ESR1: variants seen among roughly 807,000 people sequenced by gnomAD.
ESR1 encodes the protein estrogen receptor.
In ESR1, 12 loss-of-function variants were observed where a neutral mutation model predicts 52.7. The observed-to-expected ratio is 0.23, with a 90% CI of 0.15 to 0.37. ESR1 has a LOEUF of 0.37. Among genes scored for constraint, ESR1 ranks in the 10% least tolerant of loss-of-function variants. The probability of loss-of-function intolerance (pLI) is 1.00; values close to 1 mark genes in which losing one functional copy is unlikely to be tolerated. For synonymous variants in ESR1, 305 were observed against 316.8 expected, an observed-to-expected ratio of 0.96 and a Z score of 0.39; for missense variants, 584 against 779.7, an observed-to-expected ratio of 0.75 and a Z score of 2.99.
intron 2 of ESR1, among the ~76,000 whole-genome samples, chr6:151,740,444 T>C (rs3020301): frequency 0.57 from 86,198 of 150,884 alleles, 25,438 homozygotes; most frequent in African/African-American, 0.67. Flanking sequence ...CCATTTTCTG[T>C]CTCTTCTGAT....
At chr6:152,001,241 G>A (rs111452652) in intron 4 of ESR1, among the ~76,000 whole-genome samples, 8 of 151,940 alleles carry the variant, frequency 5.3e-5, no homozygotes, top group Admixed American at 1.3e-4. Flanking sequence ...AATCCTAGAG[G>A]CTGGGAGGTT....
intron 2 of ESR1, among the ~76,000 whole-genome samples, chr6:151,792,769 G>A (rs1776299748): frequency 6.6e-6 from 1 of 152,116 alleles, no homozygotes; most frequent in Non-Finnish European, 1.5e-5. Flanking sequence ...CTTCTTGACT[G>A]TTTTATAATA....
In ESR1 at chr6:151,831,547, C is replaced by T. The variant is rs1045366496; in HGVS notation, c.453-11050C>T. 2.6e-5 allele frequency among the ~76,000 whole-genome samples: 4 copies of T among 152,136 alleles called. No homozygotes were observed. The South Asian group carries it at 6.2e-4, about 24-fold the overall frequency. On this transcript the variant is annotated intron_variant, in intron 1 of 7. Transcript: ENST00000206249. ...AAATAATTTGCTCTTGGGTTGTGAG[C>T]CCTTTGGGTGGGCTCCCAAGGATCC...
chr6:151,969,108 G>A (rs375951038), intron 4 of ESR1, among the ~76,000 whole-genome samples: 2 of 152,230 alleles, frequency 1.3e-5, no homozygotes, highest in African/African-American at 4.8e-5. Context: ...TCTCTTCACA[G>A]TTGCTCCAGG....
At position 152,045,469 on chromosome 6, in the gene ESR1, A is replaced by T. The variant is rs149976585; in HGVS notation, c.1236-15522A>T. Among the ~76,000 whole-genome samples, 768 of 152,260 alleles carry T rather than the reference A, an allele frequency of 5.0e-3. 5 individuals are homozygous for T. Among genetic ancestry groups the T allele is most frequent in the African/African-American group, 0.018 (734 of 41,538 alleles). On this transcript the variant is annotated intron_variant, in intron 5 of 7. Coordinates refer to ENST00000206249, the MANE Select transcript of ESR1 (RefSeq NM_000125.4). ...CTCTTAGAGGGTTGAGGAGGATGGG[A>T]TCAGGCATAGCAGAGACTAGGGACA...
intron 3 of ESR1, among the ~76,000 whole-genome samples, chr6:151,903,983 G>T (rs979008701): frequency 1.3e-5 from 2 of 152,150 alleles, no homozygotes; most frequent in African/African-American, 4.8e-5. Context: ...TATTAGTGGT[G>T]AGTTTAAATT....
At chr6:151,667,405 C>G (rs2115229872) in intron 1 of ESR1, among the ~76,000 whole-genome samples, 1 of 152,266 alleles carries the variant, frequency 6.6e-6, no homozygotes, top group African/African-American at 2.4e-5. Context: ...TTGTTGAAAG[C>G]CTAAAGCACT....
chr6:151,955,057 C>T (rs2036750917), intron 4 of ESR1, among the ~76,000 whole-genome samples: 1 of 152,152 alleles, frequency 6.6e-6, no homozygotes, highest in African/African-American at 2.4e-5. Context: ...CTAACATATA[C>T]ATGTCAAAAC....
intron 2 of ESR1, among the ~76,000 whole-genome samples, chr6:151,798,341 G>A (rs758035952): frequency 1.7e-4 from 26 of 152,208 alleles, no homozygotes; most frequent in Non-Finnish European, 2.5e-4. Context: ...TGCAAATTCA[G>A]GACAGGAAAT....
intron 5 of ESR1, among the ~76,000 whole-genome samples, chr6:152,040,032 A>C (rs1252412983): frequency 6.6e-6 from 1 of 152,190 alleles, no homozygotes. Context: ...TATCTAGAGT[A>C]AGTGCCCATT....
At chr6:152,125,084 C>A (rs1312455417) in intron 6 of ESR1, among the ~76,000 whole-genome samples, 1 of 152,208 alleles carries the variant, frequency 6.6e-6, no homozygotes, top group African/African-American at 2.4e-5. Flanking sequence ...TTTTAACTAC[C>A]AGAACCTGGA....
At chr6:152,071,166 A>G (rs1183183821) in intron 6 of ESR1, among the ~76,000 whole-genome samples, 1 of 152,218 alleles carries the variant, frequency 6.6e-6, no homozygotes, top group Non-Finnish European at 1.5e-5. Context: ...AGTGGTAACA[A>G]TTAGGAAGGC....
intron 3 of ESR1, among the ~76,000 whole-genome samples, chr6:151,915,686 C>T (rs1378655050): frequency 6.6e-6 from 1 of 152,206 alleles, no homozygotes; most frequent in African/African-American, 2.4e-5. Context: ...TGATGAGTTA[C>T]CTAGGACTTC....
intron 4 of ESR1, among the ~76,000 whole-genome samples, chr6:151,960,627 T>C (rs1453050178): frequency 1.3e-5 from 2 of 152,204 alleles, no homozygotes; most frequent in African/African-American, 4.8e-5. Flanking sequence ...AGTAAGGTCC[T>C]GTGGCCACTA....
intron 2 of ESR1, among the ~76,000 whole-genome samples, chr6:151,858,495 CTCA>C (rs1315174134): frequency 2.0e-5 from 3 of 152,012 alleles, no homozygotes; most frequent in Non-Finnish European, 4.4e-5. Flanking sequence ...GATACACTGA[CTCA>C]TCAGCCTGGA....
At chr6:152,040,144 T>C (rs1562711137) in intron 5 of ESR1, among the ~76,000 whole-genome samples, 1 of 152,296 alleles carries the variant, frequency 6.6e-6, no homozygotes, top group East Asian at 1.9e-4. Context: ...TGGTGCCATA[T>C]CGCGGCCTCA....
chr6:151,951,235 G>A (rs879365231), intron 4 of ESR1, among the ~76,000 whole-genome samples: 1 of 151,932 alleles, frequency 6.6e-6, no homozygotes, highest in Non-Finnish European at 1.5e-5. Flanking sequence ...GTGTGAGCTG[G>A]GGCTCCAATG....
At chr6:151,753,060 T>C (rs1379124851) in intron 2 of ESR1, among the ~76,000 whole-genome samples, 2 of 152,190 alleles carry the variant, frequency 1.3e-5, no homozygotes, top group Admixed American at 6.5e-5. Flanking sequence ...GAATAAATCA[T>C]AAGTATTAAA....
intron 2 of ESR1, among the ~76,000 whole-genome samples, chr6:151,713,915 C>A (rs1006310886): frequency 2.0e-5 from 3 of 152,146 alleles, no homozygotes; most frequent in African/African-American, 7.2e-5. Flanking sequence ...TTCTCTAGTT[C>A]TTTTAATTGT....
Sources: allele counts gnomAD v4.1 joint callset (sites outside exome capture counted in the v4.1 genomes callset), GRCh38; gene constraint gnomAD v4.1.1; transcripts MANE v1.5; gene names NCBI Gene and HGNC (gene_info 2026-07-23, HGNC 2026-07-21).